The following CNTN5 variants were observed in gnomAD, a reference collection of about 807,000 sequenced individuals.
CNTN5 encodes contactin 5.
In CNTN5, 77 loss-of-function variants were observed where a neutral mutation model predicts 129.1. That is an observed-to-expected ratio of 0.60 (90% CI 0.50 to 0.72). The LOEUF is 0.72. Ranked by LOEUF, CNTN5 falls within the 30% of genes least tolerant of loss-of-function variation. The pLI is 0.00. For missense variants in CNTN5, 1,478 were observed against 1,328.8 expected (o/e 1.11, Z -1.75); for synonymous variants, 509 against 465.6 (o/e 1.09, Z -1.20).
At chr11:99,129,107 T>G in intron 1 of CNTN5, among the ~76,000 whole-genome samples, 1 of 152,116 alleles carries the variant, frequency 6.6e-6, no homozygotes, top group East Asian at 1.9e-4. Context: ...TTGAGATGGG[T>G]GAACTGACAG....
At chr11:99,769,567 G>A (rs898581369) in intron 3 of CNTN5, among the ~76,000 whole-genome samples, 14 of 151,992 alleles carry the variant, frequency 9.2e-5, no homozygotes, top group African/African-American at 3.1e-4. Context: ...TATAGATGAA[G>A]TAAATTAAGA....
At position 99,655,980 on chromosome 11, in the gene CNTN5, G is replaced by A. The variant is rs552963405; in HGVS notation, c.55+99711G>A. On this transcript the variant is annotated intron_variant, in intron 3 of 24. Coordinates refer to ENST00000524871, the MANE Select transcript of CNTN5 (RefSeq NM_014361.4). ...CACATATATATACACATATATGCATGTGTGTATATATATGTGTTTCTGTAT... is the reference window on the plus strand; with the variant it reads ...CACATATATATACACATATATGCATATGTGTATATATATGTGTTTCTGTAT... Among the ~76,000 whole-genome samples the A allele has an allele frequency of 5.9e-5, 9 of 151,960 alleles. 1 individual carries two copies. In the South Asian group the frequency reaches 1.7e-3, roughly 28 times the overall value.
intron 10 of CNTN5, among the ~76,000 whole-genome samples, chr11:100,066,446 G>A (rs1271641921): frequency 6.6e-6 from 1 of 152,098 alleles, no homozygotes; most frequent in African/African-American, 2.4e-5. Context: ...TCAGTAGAGA[G>A]TTACAGAATT....
At chr11:99,987,196 C>T (rs964548698) in intron 8 of CNTN5, among the ~76,000 whole-genome samples, 4 of 151,980 alleles carry the variant, frequency 2.6e-5, no homozygotes, top group Non-Finnish European at 5.9e-5. Flanking sequence ...ATCAAATATT[C>T]TTGACCATTA....
chr11:99,394,232 G>T (rs1434203741), intron 2 of CNTN5, among the ~76,000 whole-genome samples: 1 of 151,602 alleles, frequency 6.6e-6, no homozygotes, highest in East Asian at 1.9e-4. Context: ...GCCAGCAAGG[G>T]AAAATTTGGT....
chr11:99,788,336 A>G (rs2135422192), intron 3 of CNTN5, among the ~76,000 whole-genome samples: 1 of 152,048 alleles, frequency 6.6e-6, no homozygotes, highest in South Asian at 2.1e-4. Context: ...ATTTCAAAAA[A>G]TTGAAGTTAA....
chr11:99,937,920 A>G (rs1591449140), intron 7 of CNTN5, among the ~76,000 whole-genome samples: 1 of 152,190 alleles, frequency 6.6e-6, no homozygotes, highest in East Asian at 1.9e-4. Context: ...AGAAGATACA[A>G]CTTTGCATTT....
intron 3 of CNTN5, among the ~76,000 whole-genome samples, chr11:99,703,580 T>C (rs1954622067): frequency 6.6e-6 from 1 of 150,894 alleles, no homozygotes; most frequent in Non-Finnish European, 1.5e-5. Flanking sequence ...ATGAGGAAAT[T>C]TGTAAATCCG....
intron 16 of CNTN5, among the ~76,000 whole-genome samples, chr11:100,234,567 T>C (rs1303262692): frequency 6.6e-6 from 1 of 150,810 alleles, no homozygotes; most frequent in Non-Finnish European, 1.5e-5. Flanking sequence ...CCACATGTTC[T>C]CACTCATAAG....
At chr11:99,820,658 A>G (rs1565569934) in intron 4 of CNTN5, among the ~76,000 whole-genome samples, 3 of 106,220 alleles carry the variant, frequency 2.8e-5, no homozygotes, top group Non-Finnish European at 6.4e-5. Context: ...CAGTTTTCTC[A>G]ACACATATGT....
chr11:100,188,559 A>C (rs1948374758), intron 13 of CNTN5, among the ~76,000 whole-genome samples: 3 of 152,202 alleles, frequency 2.0e-5, no homozygotes, highest in Non-Finnish European at 4.4e-5. Context: ...ACACCAGTCA[A>C]AATGGCTATC....
chr11:100,115,135 A>AG (rs1945798833), intron 13 of CNTN5, among the ~76,000 whole-genome samples: 1 of 150,846 alleles, frequency 6.6e-6, no homozygotes, highest in African/African-American at 2.4e-5. Flanking sequence ...AAAAAAAAAA[A>AG]AAAAGAAAGA....
intron 13 of CNTN5, among the ~76,000 whole-genome samples, chr11:100,116,125 T>A (rs1945832836): frequency 6.6e-6 from 1 of 152,010 alleles, no homozygotes; most frequent in African/African-American, 2.4e-5. Flanking sequence ...CAAGTTTAGG[T>A]TCTCTGGGGC....
intron 1 of CNTN5, among the ~76,000 whole-genome samples, chr11:99,207,367 CCA>C (rs1432197863): frequency 6.6e-6 from 1 of 152,048 alleles, no homozygotes; most frequent in African/African-American, 2.4e-5. Context: ...GAGTCAGGTA[CCA>C]CAGTCTCAAG....
intron 2 of CNTN5, among the ~76,000 whole-genome samples, chr11:99,410,965 T>C (rs1034502494): frequency 1.3e-5 from 2 of 152,208 alleles, no homozygotes; most frequent in African/African-American, 4.8e-5. Context: ...AGCAAGTAGA[T>C]TTCCCAAATT....
intron 23 of CNTN5, among the ~76,000 whole-genome samples, chr11:100,347,655 A>C (rs963834562): frequency 6.6e-6 from 1 of 152,094 alleles, no homozygotes; most frequent in African/African-American, 2.4e-5. Context: ...TTGTGTTCAG[A>C]CACCCTGCAG....
chr11:99,021,444 G>T (rs1862865736), intron 1 of CNTN5, among the ~76,000 whole-genome samples, 174 bp downstream of exon 1: 1 of 152,148 alleles, frequency 6.6e-6, no homozygotes, highest in African/African-American at 2.4e-5. Context: ...AACAAAACAC[G>T]ACTTTATTTC....
intron 3 of CNTN5, among the ~76,000 whole-genome samples, chr11:99,624,687 A>G (rs1426875342): frequency 6.6e-6 from 1 of 152,164 alleles, no homozygotes; most frequent in African/African-American, 2.4e-5. Context: ...ACATGGTGAA[A>G]TCCATTCTGA....
At chr11:99,084,576 T>G (rs909476732) in intron 1 of CNTN5, among the ~76,000 whole-genome samples, 1 of 152,200 alleles carries the variant, frequency 6.6e-6, no homozygotes, top group Non-Finnish European at 1.5e-5. Flanking sequence ...TTAATTAAAT[T>G]TATCCCTGTT....
Sources: allele counts gnomAD v4.1 joint callset (sites outside exome capture counted in the v4.1 genomes callset), GRCh38; gene constraint gnomAD v4.1.1; transcripts MANE v1.5; gene names NCBI Gene and HGNC (gene_info 2026-07-23, HGNC 2026-07-21).